Variants in P3H2 observed in about 807,000 individuals in gnomAD.
The protein encoded by P3H2 is leprecan-like 1.
P3H2 carries 80 observed loss-of-function variants against 87.0 expected under a neutral mutation model. The observed-to-expected ratio is 0.92, with a 90% CI of 0.77 to 1.11. The LOEUF (loss-of-function observed/expected upper bound fraction) is 1.11. Ranked by LOEUF, P3H2 falls within the 50% of genes least tolerant of loss-of-function variation. The pLI, the probability that P3H2 is intolerant of heterozygous loss-of-function variation, is 0.00. For synonymous variants in P3H2, 367 were observed against 359.3 expected (o/e 1.02, Z -0.24); for missense variants, 1,001 against 923.9 (o/e 1.08, Z -1.08).
chr3:189,984,398 TG>T (rs1723627412), intron 7 of P3H2, 151 bp downstream of exon 7: 1 of 618,302 alleles, frequency 1.6e-6, no homozygotes, highest in South Asian at 2.2e-5. Context: ...CAGGAAGAGC[TG>T]GGACCTGGAT....
chr3:190,094,126 A>C (rs752280011), intron 1 of P3H2, among the ~76,000 whole-genome samples: 9 of 152,218 alleles, frequency 5.9e-5, no homozygotes, highest in Non-Finnish European at 1.3e-4. Context: ...TCTCTGGAAA[A>C]TTAACATCTG....
intron 1 of P3H2, among the ~76,000 whole-genome samples, chr3:190,008,337 T>G (rs1377861392): frequency 2.6e-5 from 4 of 152,112 alleles, no homozygotes; most frequent in Non-Finnish European, 5.9e-5. Context: ...AATGTATCTC[T>G]CCAAAAGTCG....
At chr3:190,034,125 T>C (rs1050383113) in intron 1 of P3H2, among the ~76,000 whole-genome samples, 3 of 152,222 alleles carry the variant, frequency 2.0e-5, no homozygotes, top group Non-Finnish European at 2.9e-5. Flanking sequence ...AGACTCAACA[T>C]GATATAAAGA....
At chr3:190,078,138 G>T (rs1162579767) in intron 1 of P3H2, among the ~76,000 whole-genome samples, 1 of 152,170 alleles carries the variant, frequency 6.6e-6, no homozygotes, top group Non-Finnish European at 1.5e-5. Context: ...ACTAAAATTT[G>T]TAAGTAGATA....
intron 1 of P3H2, among the ~76,000 whole-genome samples, chr3:190,100,026 G>A (rs1229746936): frequency 6.6e-6 from 1 of 152,178 alleles, no homozygotes; most frequent in African/African-American, 2.4e-5. Context: ...CTGAGGTCAG[G>A]AGTTCGAGAC....
intron 9 of P3H2, chr3:189,974,237 T>A (rs1439565760): frequency 2.2e-5 from 13 of 594,346 alleles, no homozygotes; most frequent in Non-Finnish European, 3.5e-5. Flanking sequence ...ATAAAAAGAA[T>A]GTAAATTATT....
chr3:189,986,712 T>A, intron 6 of P3H2, 76 bp downstream of exon 6: 4 of 1,085,420 alleles, frequency 3.7e-6, no homozygotes, highest in Non-Finnish European at 5.7e-6. Flanking sequence ...ATGGCAAAAA[T>A]GGAGGCAGGT....
At chr3:190,066,401 T>C (rs1726505905) in intron 1 of P3H2, among the ~76,000 whole-genome samples, 1 of 151,900 alleles carries the variant, frequency 6.6e-6, no homozygotes, top group Non-Finnish European at 1.5e-5. Context: ...AAACAAAACA[T>C]TGTATGTTCT....
chr3:190,039,258 G>C (rs141815794), intron 1 of P3H2, among the ~76,000 whole-genome samples: 1 of 152,052 alleles, frequency 6.6e-6, no homozygotes, highest in African/African-American at 2.4e-5. Context: ...TGATTGTTGA[G>C]TCCTCCACTA....
chr3:190,049,271 T>A (rs1577295980), intron 1 of P3H2, among the ~76,000 whole-genome samples: 1 of 5,912 alleles, frequency 1.7e-4, no homozygotes, highest in South Asian at 5.5e-3. Flanking sequence ...GACACATGGT[T>A]TTTTTTTTCA....
chr3:189,971,362 C>T (rs377555798), intron 12 of P3H2, among the ~76,000 whole-genome samples: 108 of 152,314 alleles, frequency 7.1e-4, no homozygotes, highest in Non-Finnish European at 1.1e-3. Context: ...GTTTTGGAAT[C>T]GAGTACAGTG....
At chr3:190,091,012 T>C (rs1005244839) in intron 1 of P3H2, among the ~76,000 whole-genome samples, 5 of 152,236 alleles carry the variant, frequency 3.3e-5, no homozygotes, top group African/African-American at 1.2e-4. Context: ...AAATAAGGTA[T>C]GACTGTGCTT....
chr3:190,030,342 C>T (rs1325406393), intron 1 of P3H2, among the ~76,000 whole-genome samples: 2 of 152,152 alleles, frequency 1.3e-5, no homozygotes, highest in Admixed American at 1.3e-4. Context: ...GAAGCTGAGG[C>T]TGGCACATGG....
intron 1 of P3H2, 117 bp from the exon 2 acceptor site, chr3:189,995,559 T>TTG (rs1724030095): frequency 1.8e-6 from 2 of 1,094,916 alleles, no homozygotes; most frequent in Admixed American, 2.6e-5. Flanking sequence ...AGCCTTGGTT[T>TTG]TTTTTTTTTT....
At chr3:189,981,681 C>A (rs891315159) in intron 8 of P3H2, among the ~76,000 whole-genome samples, 3 of 152,134 alleles carry the variant, frequency 2.0e-5, no homozygotes, top group Non-Finnish European at 4.4e-5. Flanking sequence ...TGCTGGACAC[C>A]AGATTCCCTG....
chr3:189,989,070 C>G, intron 3 of P3H2, 32 bp from the exon 4 acceptor site: 3 of 1,613,578 alleles, frequency 1.9e-6, no homozygotes, highest in South Asian at 1.1e-5. Flanking sequence ...GTGTGTTCCT[C>G]CAGGTTGCTG....
chr3:190,039,976 A>G (rs1254700644), intron 1 of P3H2, among the ~76,000 whole-genome samples: 4 of 152,226 alleles, frequency 2.6e-5, no homozygotes, highest in African/African-American at 4.8e-5. Flanking sequence ...CACTCTAAGA[A>G]TAAGGAACAG....
chr3:190,075,167 C>T lies in P3H2; in HGVS notation c.480+45085G>A, dbSNP rs143121646. ...GTGAAGAAAAGGCTAGGATATGAAA[C>T]TAATAACTGTCATGCAAAGTAGAAA... is the stretch of plus-strand genomic sequence containing the variant. On this transcript the variant is annotated intron_variant, in intron 1 of 14. Transcript: ENST00000319332. Among the ~76,000 whole-genome samples, 368 of 152,262 alleles carry T rather than the reference C, an allele frequency of 2.4e-3. 2 individuals carry two copies. Among genetic ancestry groups the T allele is most frequent in the African/African-American group, 8.3e-3 (343 of 41,556 alleles).
intron 13 of P3H2, among the ~76,000 whole-genome samples, chr3:189,967,071 T>G (rs917362845): frequency 6.6e-6 from 1 of 152,106 alleles, no homozygotes; most frequent in Non-Finnish European, 1.5e-5. Context: ...CCATTTCTGT[T>G]GCTGTTGTTG....
Sources: allele counts gnomAD v4.1 joint callset (sites outside exome capture counted in the v4.1 genomes callset), GRCh38; gene constraint gnomAD v4.1.1; transcripts MANE v1.5; gene names NCBI Gene and HGNC (gene_info 2026-07-23, HGNC 2026-07-21).